SLC17A5: variants seen among roughly 807,000 people sequenced by gnomAD.
The protein encoded by SLC17A5 is solute carrier family 17 member 5.
SLC17A5 carries 47 observed loss-of-function variants against 59.4 expected under a neutral mutation model. That is an observed-to-expected ratio of 0.79 (90% CI 0.63 to 1.01). The LOEUF is 1.01. Among genes scored for constraint, SLC17A5 ranks in the 50% least tolerant of loss-of-function variants. The probability of loss-of-function intolerance (pLI) is 0.00; values close to 1 mark genes in which losing one functional copy is unlikely to be tolerated. For synonymous variants in SLC17A5, 202 were observed against 210.7 expected (o/e 0.96, Z 0.36); for missense variants, 522 against 595.5 (o/e 0.88, Z 1.28).
intron 9 of SLC17A5, among the ~76,000 whole-genome samples, chr6:73,603,937 AAAC>A (rs1186213874): frequency 6.6e-6 from 1 of 152,114 alleles, no homozygotes; most frequent in Non-Finnish European, 1.5e-5. Context: ...AACAAAAAAA[AAAC>A]ACTTAAAGGA....
chr6:73,613,802 G>A (rs972994427), intron 8 of SLC17A5, among the ~76,000 whole-genome samples: 2 of 152,194 alleles, frequency 1.3e-5, no homozygotes, highest in African/African-American at 4.8e-5. Context: ...GTCTTGAACT[G>A]TTGTGATATT....
At position 73,610,343 on chromosome 6, in the gene SLC17A5, G is replaced by C; in HGVS notation, c.1259+57C>G. 1.9e-6 allele frequency: 3 copies of C among 1,598,912 alleles called. No individual in the cohort carries two copies. In the South Asian group the frequency reaches 3.3e-5, roughly 18 times the overall value. On this transcript the variant is annotated intron_variant, in intron 9 of 10. Coordinates refer to ENST00000355773, the MANE Select transcript of SLC17A5 (RefSeq NM_012434.5). ...GTCACCGCCTCTGGCCTTTTATCAGGATTTTTAAAAATATAATTTAAAGTC... is the reference window on the plus strand; with the variant it reads ...GTCACCGCCTCTGGCCTTTTATCAGCATTTTTAAAAATATAATTTAAAGTC...
chr6:73,652,234 C>A (rs577541094), intron 1 of SLC17A5, among the ~76,000 whole-genome samples: 1 of 152,346 alleles, frequency 6.6e-6, no homozygotes, highest in African/African-American at 2.4e-5. Context: ...AAGATCCATA[C>A]ACTCAACACA....
chr6:73,604,455 AT>A (rs567408016), intron 9 of SLC17A5, among the ~76,000 whole-genome samples: 138 of 152,160 alleles, frequency 9.1e-4, no homozygotes, highest in African/African-American at 3.2e-3. Context: ...AAAAATCTCT[AT>A]TTTGGGGCCG....
At chr6:73,620,806 T>G (rs1768106320) in intron 7 of SLC17A5, among the ~76,000 whole-genome samples, 1 of 150,320 alleles carries the variant, frequency 6.7e-6, no homozygotes, top group Admixed American at 6.6e-5. Flanking sequence ...ACTGCAACCT[T>G]CGCCTCCTGG....
intron 5 of SLC17A5, 62 bp downstream of exon 5, chr6:73,636,559 A>C: frequency 1.1e-6 from 1 of 912,126 alleles, no homozygotes; most frequent in Non-Finnish European, 1.8e-6. Flanking sequence ...AAACATTATT[A>C]GGCTACTATT....
intron 3 of SLC17A5, among the ~76,000 whole-genome samples, chr6:73,639,236 T>C (rs1408786750): frequency 1.3e-5 from 2 of 152,102 alleles, no homozygotes; most frequent in Non-Finnish European, 2.9e-5. Flanking sequence ...CACAGGACAG[T>C]GAGAGAGAAC....
chr6:73,649,472 T>G (rs1030765221), intron 1 of SLC17A5, among the ~76,000 whole-genome samples: 1 of 151,986 alleles, frequency 6.6e-6, no homozygotes, highest in Admixed American at 6.6e-5. Flanking sequence ...GGTTGTGGTG[T>G]TGTGCACCTG....
At chr6:73,650,486 C>T (rs1328201697) in intron 1 of SLC17A5, among the ~76,000 whole-genome samples, 4 of 116,106 alleles carry the variant, frequency 3.4e-5, no homozygotes, top group South Asian at 2.6e-4. Context: ...CCAGCCTGGG[C>T]GAAAGAGCAA....
intron 6 of SLC17A5, among the ~76,000 whole-genome samples, chr6:73,627,804 T>G (rs946831509): frequency 6.6e-6 from 1 of 152,056 alleles, no homozygotes; most frequent in South Asian, 2.1e-4. Flanking sequence ...AATTTTTGTA[T>G]TTTTAGTAGA....
At chr6:73,637,645 AC>A (rs1380527117) in intron 4 of SLC17A5, among the ~76,000 whole-genome samples, 2 of 151,956 alleles carry the variant, frequency 1.3e-5, no homozygotes, top group African/African-American at 4.8e-5. Flanking sequence ...ACTTCTTTTA[AC>A]CCTTATGTTA....
chr6:73,631,277 A>C (rs1029824878), intron 6 of SLC17A5, among the ~76,000 whole-genome samples: 2 of 151,490 alleles, frequency 1.3e-5, no homozygotes, highest in South Asian at 4.2e-4. Flanking sequence ...GAAGAAGAAA[A>C]AGAAAAAAAA....
chr6:73,638,132 G>T (rs1330240287), intron 4 of SLC17A5, among the ~76,000 whole-genome samples: 1 of 148,596 alleles, frequency 6.7e-6, no homozygotes, highest in Admixed American at 6.7e-5. Flanking sequence ...AACAGAAAAA[G>T]AAAAAAAATA....
chr6:73,650,197 CA>C (rs756204732), intron 1 of SLC17A5, among the ~76,000 whole-genome samples: 11,632 of 38,948 alleles, frequency 0.3, 529 homozygotes, highest in East Asian at 0.47. Flanking sequence ...CTTTTTTCTA[CA>C]AAAAAAAAAA....
chr6:73,615,519 C>A, intron 7 of SLC17A5, 72 bp from the exon 8 acceptor site: 1 of 1,453,748 alleles, frequency 6.9e-7, no homozygotes, highest in Non-Finnish European at 9.6e-7. Flanking sequence ...TTCATCACAG[C>A]CAATGACCAC....
chr6:73,624,287 C>A (rs990136942), intron 6 of SLC17A5, among the ~76,000 whole-genome samples: 1 of 151,816 alleles, frequency 6.6e-6, no homozygotes, highest in African/African-American at 2.4e-5. Flanking sequence ...AGCAGTAATT[C>A]CAGCTGGTTA....
chr6:73,604,773 A>G (rs35050716), intron 9 of SLC17A5, among the ~76,000 whole-genome samples: 16,311 of 152,114 alleles, frequency 0.11, 1,048 homozygotes, highest in Middle Eastern at 0.18. Flanking sequence ...ATACATTGAT[A>G]ACATAAAATC....
At chr6:73,602,124 G>A (rs1228549558) in intron 9 of SLC17A5, among the ~76,000 whole-genome samples, 2 of 151,636 alleles carry the variant, frequency 1.3e-5, no homozygotes, top group African/African-American at 2.4e-5. Flanking sequence ...GGATCCTGTT[G>A]ATCGGTGACC....
intron 1 of SLC17A5, chr6:73,653,050 A>G (rs1194904556): frequency 2.0e-6 from 2 of 985,318 alleles, no homozygotes; most frequent in Non-Finnish European, 2.4e-6. Flanking sequence ...CCTTTGGCAA[A>G]TTACTTTAGA....
Sources: allele counts gnomAD v4.1 joint callset (sites outside exome capture counted in the v4.1 genomes callset), GRCh38; gene constraint gnomAD v4.1.1; transcripts MANE v1.5; gene names NCBI Gene and HGNC (gene_info 2026-07-23, HGNC 2026-07-21).